The following TTC28 variants were observed in gnomAD, a reference collection of about 807,000 sequenced individuals.
TTC28 encodes tetratricopeptide repeat domain 28, also known as tetratricopeptide repeat protein 28.
A neutral mutation model predicts 198.0 loss-of-function variants in TTC28; 61 were observed. The ratio of observed to expected loss-of-function variants is 0.31; its 90% CI spans 0.25 to 0.38. TTC28 has a LOEUF of 0.38. Ranked by LOEUF, TTC28 falls within the 10% of genes least tolerant of loss-of-function variation. TTC28 has a pLI of 1.00. For missense variants in TTC28, 2,678 were observed against 3,164.0 expected, an observed-to-expected ratio of 0.85 and a Z score of 3.69; for synonymous variants, 1,171 against 1,297.8, an observed-to-expected ratio of 0.90 and a Z score of 2.10.
At chr22:28,478,329 G>A (rs763351653) in intron 2 of TTC28, among the ~76,000 whole-genome samples, 6 of 152,034 alleles carry the variant, frequency 3.9e-5, no homozygotes, top group Non-Finnish European at 7.4e-5. Flanking sequence ...CCAACACGGC[G>A]AAACCCCACC....
chr22:28,660,316 G>GT (rs1398098286), intron 1 of TTC28, among the ~76,000 whole-genome samples: 3 of 151,990 alleles, frequency 2.0e-5, no homozygotes, highest in Admixed American at 2.0e-4. Flanking sequence ...CATCAGCACA[G>GT]TAAGAAAAGG....
intron 2 of TTC28, among the ~76,000 whole-genome samples, chr22:28,457,358 G>C (rs1185987028): frequency 6.6e-6 from 1 of 152,126 alleles, no homozygotes; most frequent in Non-Finnish European, 1.5e-5. Flanking sequence ...AAAAAAGTAG[G>C]TGCAAAGGTT....
chr22:28,511,972 T>TCTTCACAG (rs1445223893), intron 2 of TTC28, among the ~76,000 whole-genome samples: 2 of 151,924 alleles, frequency 1.3e-5, no homozygotes, highest in African/African-American at 4.8e-5. Context: ...CTAAAGAGCT[T>TCTTCACAG]CTTCACAGCA....
At chr22:28,614,678 C>A (rs1467284998) in intron 2 of TTC28, among the ~76,000 whole-genome samples, 2 of 152,108 alleles carry the variant, frequency 1.3e-5, no homozygotes, top group African/African-American at 2.4e-5. Context: ...AACCTGACAG[C>A]AACAAGCAAT....
chr22:28,162,816 G>A (rs1921369010), intron 6 of TTC28, among the ~76,000 whole-genome samples: 1 of 152,112 alleles, frequency 6.6e-6, no homozygotes, highest in Non-Finnish European at 1.5e-5. Context: ...CAGGTGTACT[G>A]GCGTGTGCCT....
intron 12 of TTC28, among the ~76,000 whole-genome samples, chr22:28,083,058 T>C (rs1249021003): frequency 1.3e-5 from 2 of 151,878 alleles, no homozygotes; most frequent in Admixed American, 6.6e-5. Context: ...GAAAAAATAA[T>C]GGATGATGAT....
In TTC28 at chr22:28,005,996, G is replaced by A. The variant is rs977689328; in HGVS notation, c.4219-4443C>T. Among the ~76,000 whole-genome samples, 5 of 152,160 alleles carry A rather than the reference G, an allele frequency of 3.3e-5. No individual in the cohort carries two copies. The highest frequency in any genetic ancestry group is 1.3e-4 in the Admixed American group (2 of 15,278). ...TACTAAACATCCGTGGTTAGTCTAC[G>A]GTGTGGTTTCTGTCTCCAGATGGAC... On this transcript the variant is annotated intron_variant, in intron 14 of 22. Coordinates refer to ENST00000397906, the MANE Select transcript of TTC28 (RefSeq NM_001145418.2). The surrounding 1 kb of genome is among the most constrained non-coding windows in gnomAD (Gnocchi z 4.9).
At chr22:27,994,095 G>A (rs1289658369) in intron 17 of TTC28, among the ~76,000 whole-genome samples, 1 of 152,232 alleles carries the variant, frequency 6.6e-6, no homozygotes, top group East Asian at 1.9e-4. Flanking sequence ...CCAAGTCACT[G>A]CTGCATGAAC....
At chr22:28,341,994 A>C (rs1420018821) in intron 2 of TTC28, among the ~76,000 whole-genome samples, 1 of 152,044 alleles carries the variant, frequency 6.6e-6, no homozygotes, top group Admixed American at 6.5e-5. Context: ...AAAACAGAAA[A>C]AAATTTAAAA....
chr22:28,304,239 G>T (rs926948033), intron 3 of TTC28, among the ~76,000 whole-genome samples: 1 of 151,470 alleles, frequency 6.6e-6, no homozygotes. Context: ...GAGCCGAGAT[G>T]GCGCCACTGC....
chr22:28,648,040 C>T lies in TTC28; in HGVS notation c.103-18210G>A, dbSNP rs191538216. Among the ~76,000 whole-genome samples the T allele has an allele frequency of 3.0e-4, 45 of 151,622 alleles. No individual in the cohort carries two copies. In the East Asian group the frequency reaches 7.8e-3, roughly 26 times the overall value. ...GAGACCAAGACCATCCTGGCTAACA[C>T]GGTGAAACCCCGTCTCTCCCAAAAA... On this transcript the variant is annotated intron_variant, in intron 1 of 22. Coordinates refer to ENST00000397906, the MANE Select transcript of TTC28 (RefSeq NM_001145418.2).
chr22:28,659,929 G>T (rs1341574778), intron 1 of TTC28, among the ~76,000 whole-genome samples: 4 of 151,812 alleles, frequency 2.6e-5, no homozygotes, highest in Non-Finnish European at 4.4e-5. Context: ...CTCCCAAGTA[G>T]CTGGGACTAC....
intron 10 of TTC28, 107 bp from the exon 11 acceptor site, chr22:28,096,515 C>T: frequency 8.8e-7 from 1 of 1,134,794 alleles, no homozygotes; most frequent in Non-Finnish European, 1.3e-6. Flanking sequence ...ACTGCCTCTA[C>T]TCTCCAATAT....
chr22:28,214,740 T>C (rs560672663), intron 5 of TTC28, among the ~76,000 whole-genome samples: 6 of 152,216 alleles, frequency 3.9e-5, no homozygotes, highest in Admixed American at 2.6e-4. Context: ...CCCAAGGATC[T>C]AGAACTAGAA....
intron 12 of TTC28, among the ~76,000 whole-genome samples, chr22:28,086,287 A>G (rs958711482): frequency 1.7e-4 from 26 of 152,262 alleles, no homozygotes; most frequent in Admixed American, 1.4e-3. Flanking sequence ...AGCAAATGTA[A>G]AAGATGAGAC....
At chr22:28,308,938 A>C (rs2045200117) in intron 2 of TTC28, among the ~76,000 whole-genome samples, 1 of 152,190 alleles carries the variant, frequency 6.6e-6, no homozygotes, top group Non-Finnish European at 1.5e-5. Flanking sequence ...TCCCTGTTCC[A>C]AACTCAAAGA....
At chr22:28,303,953 T>C (rs2045080084) in intron 3 of TTC28, 1 of 151,308 alleles carries the variant, frequency 6.6e-6, no homozygotes. Context: ...ATGACAAAAC[T>C]TAGGAAGCTG....
rs982796140 is a variant in TTC28, at chr22:28,551,223, T to C, written c.381+78329A>G. Among the ~76,000 whole-genome samples the C allele has an allele frequency of 2.0e-5, 3 of 151,962 alleles. No individual in the cohort carries two copies. In the East Asian group the frequency reaches 5.8e-4, roughly 29 times the overall value. ...GACAGACCAATAACAGCAGCAAGAT[T>C]GAAATGGTAATTTTAAAATTGTAAA... On this transcript the variant is annotated intron_variant, in intron 2 of 22. Coordinates refer to ENST00000397906, the MANE Select transcript of TTC28 (RefSeq NM_001145418.2).
chr22:28,413,602 T>C (rs1311702977), intron 2 of TTC28, among the ~76,000 whole-genome samples: 2 of 152,142 alleles, frequency 1.3e-5, no homozygotes, highest in Non-Finnish European at 2.9e-5. Flanking sequence ...TTAAGGGGAA[T>C]TAATTTTGCT....
Sources: gnomAD v4.1 joint callset for allele counts (sites outside exome capture counted in the v4.1 genomes callset) on GRCh38, gnomAD v4.1.1 for gene constraint, Gnocchi (gnomAD v3.1) non-coding constraint, MANE v1.5 for transcripts, NCBI Gene and HGNC (gene_info 2026-07-23, HGNC 2026-07-21) for gene names.